TDP1: variants seen among roughly 807,000 people sequenced by gnomAD.
TDP1 encodes tyr-DNA phosphodiesterase 1.
Under a neutral mutation model 81.5 loss-of-function variants are expected in TDP1, and 64 were observed. The ratio of observed to expected loss-of-function variants is 0.79; its 90% CI spans 0.64 to 0.97. The LOEUF (loss-of-function observed/expected upper bound fraction) is 0.97. Among genes scored for constraint, TDP1 ranks in the 50% least tolerant of loss-of-function variants. The probability of loss-of-function intolerance (pLI) is 0.00; values close to 1 mark genes in which losing one functional copy is unlikely to be tolerated. For synonymous variants in TDP1, 256 were observed against 264.3 expected, an observed-to-expected ratio of 0.97 and a Z score of 0.30; for missense variants, 723 against 743.8, an observed-to-expected ratio of 0.97 and a Z score of 0.33.
At chr14:90,012,461 C>T (rs992776896) in intron 14 of TDP1, among the ~76,000 whole-genome samples, 1 of 151,134 alleles carries the variant, frequency 6.6e-6, no homozygotes, top group Admixed American at 6.6e-5. Flanking sequence ...ACTGCCATAG[C>T]AAAGGTTCTC....
chr14:90,000,572 A>AC (rs1897103218), intron 14 of TDP1, among the ~76,000 whole-genome samples: 1 of 151,998 alleles, frequency 6.6e-6, no homozygotes, highest in Non-Finnish European at 1.5e-5. Context: ...TTTAGTAGAG[A>AC]TGGAGTTTCT....
intron 14 of TDP1, among the ~76,000 whole-genome samples, chr14:89,997,674 T>C (rs553956729): frequency 3.3e-5 from 5 of 152,258 alleles, no homozygotes; most frequent in South Asian, 2.1e-4. Flanking sequence ...GAAATACATA[T>C]CAGGTGGGCT....
At chr14:89,997,502 A>T (rs1566889378) in intron 14 of TDP1, among the ~76,000 whole-genome samples, 2 of 152,156 alleles carry the variant, frequency 1.3e-5, no homozygotes, top group South Asian at 4.1e-4. Flanking sequence ...ATCATGGTGG[A>T]GACTTCAGGT....
intron 7 of TDP1, among the ~76,000 whole-genome samples, chr14:89,979,338 T>G (rs952326198): frequency 1.3e-5 from 2 of 151,676 alleles, no homozygotes; most frequent in African/African-American, 4.8e-5. Flanking sequence ...GAGACAGAGT[T>G]TCACTCTGTC....
intron 7 of TDP1, chr14:89,980,090 T>G (rs919434895): frequency 1.4e-5 from 13 of 913,454 alleles, no homozygotes; most frequent in Middle Eastern, 1.1e-3. Flanking sequence ...AAACAAAATT[T>G]CATGAACCAG....
chr14:90,008,256 C>G (rs1273901584), intron 14 of TDP1, among the ~76,000 whole-genome samples: 1 of 152,200 alleles, frequency 6.6e-6, no homozygotes, highest in Non-Finnish European at 1.5e-5. Context: ...TCTTCAGTTT[C>G]TTACTTTGCA....
At chr14:90,027,646 C>G (rs182680071) in intron 15 of TDP1, among the ~76,000 whole-genome samples, 9 of 152,250 alleles carry the variant, frequency 5.9e-5, no homozygotes, top group African/African-American at 1.9e-4. Flanking sequence ...GACCTCAGAT[C>G]TCTAGGAGCC....
At chr14:90,034,324 A>G (rs1280541398) in intron 16 of TDP1, among the ~76,000 whole-genome samples, 1 of 152,194 alleles carries the variant, frequency 6.6e-6, no homozygotes, top group Non-Finnish European at 1.5e-5. Context: ...GGCCCTCCCA[A>G]CCACCATGCT....
intron 14 of TDP1, among the ~76,000 whole-genome samples, chr14:90,005,711 C>T (rs1385567105): frequency 6.6e-6 from 1 of 152,182 alleles, no homozygotes; most frequent in Non-Finnish European, 1.5e-5. Flanking sequence ...CTTTTCAAGT[C>T]CTTGTATTTA....
intron 11 of TDP1, 174 bp from the exon 12 acceptor site, chr14:89,989,543 G>A (rs1895951882): frequency 7.1e-6 from 5 of 700,650 alleles, no homozygotes; most frequent in Non-Finnish European, 8.8e-6. Context: ...TATGGTTCCT[G>A]TTGTTTAATT....
intron 5 of TDP1, among the ~76,000 whole-genome samples, chr14:89,970,191 C>T (rs1893456625): frequency 6.6e-6 from 1 of 152,186 alleles, no homozygotes; most frequent in Non-Finnish European, 1.5e-5. Flanking sequence ...ATACTTATTT[C>T]TAAGGATTAT....
At chr14:90,024,255 G>A (rs534128473) in intron 15 of TDP1, among the ~76,000 whole-genome samples, 1 of 152,098 alleles carries the variant, frequency 6.6e-6, no homozygotes, top group Non-Finnish European at 1.5e-5. Context: ...CTCTCACTAC[G>A]AGCCAGGTCC....
chr14:89,968,909 G>A (rs1893262726), intron 5 of TDP1, among the ~76,000 whole-genome samples: 1 of 152,236 alleles, frequency 6.6e-6, no homozygotes, highest in Admixed American at 6.5e-5. Context: ...TTTGGAGATA[G>A]AGCCCTTACA....
chr14:89,998,412 A>ATGTATGTATGTATGTATG (rs1334088177), intron 14 of TDP1, among the ~76,000 whole-genome samples: 1 of 95,878 alleles, frequency 1.0e-5, no homozygotes, highest in African/African-American at 5.6e-5. Flanking sequence ...ATATATATAT[A>ATGTATGTATGTATGTATG]TATATATATA....
intron 14 of TDP1, among the ~76,000 whole-genome samples, chr14:90,013,176 T>G (rs1884917007): frequency 6.6e-6 from 1 of 152,212 alleles, no homozygotes; most frequent in African/African-American, 2.4e-5. Context: ...TTTGAATTAA[T>G]GCCGAAATGA....
chr14:89,967,798 T>C (rs925626668), intron 5 of TDP1, among the ~76,000 whole-genome samples: 3 of 152,212 alleles, frequency 2.0e-5, no homozygotes, highest in African/African-American at 7.2e-5. Context: ...TCAATTCTGT[T>C]CTGTTTTGAG....
upstream of TDP1, chr14:89,955,844 T>TTTAGGA: frequency 6.6e-6 from 1 of 152,426 alleles, no homozygotes; most frequent in African/African-American, 2.4e-5. Context: ...AGCGGTGGGC[T>TTTAGGA]CTCCGGAAGG....
intron 10 of TDP1, among the ~76,000 whole-genome samples, chr14:89,987,462 A>T (rs1280733135): frequency 2.0e-5 from 3 of 152,232 alleles, no homozygotes; most frequent in Non-Finnish European, 4.4e-5. Flanking sequence ...TGTCTTAAGG[A>T]TACTGCTTTG....
chr14:89,978,332 A>G (rs996319651), intron 7 of TDP1, among the ~76,000 whole-genome samples: 1 of 152,220 alleles, frequency 6.6e-6, no homozygotes, highest in Non-Finnish European at 1.5e-5. Context: ...AGATTCCACA[A>G]TTGTAGAATG....
Sources: gnomAD v4.1 joint callset for allele counts (sites outside exome capture counted in the v4.1 genomes callset) on GRCh38, gnomAD v4.1.1 for gene constraint, MANE v1.5 for transcripts, NCBI Gene and HGNC (gene_info 2026-07-23, HGNC 2026-07-21) for gene names.